HDAC11: variants seen among roughly 807,000 people sequenced by gnomAD.
HDAC11 encodes histone deacetylase 11.
Under a neutral mutation model 41.1 loss-of-function variants are expected in HDAC11, and 23 were observed. The ratio of observed to expected loss-of-function variants is 0.56; its 90% CI spans 0.40 to 0.79. The LOEUF is 0.79. Among genes scored for constraint, HDAC11 ranks in the 30% least tolerant of loss-of-function variants. The pLI is 0.00. For synonymous variants in HDAC11, 187 were observed against 186.6 expected, an observed-to-expected ratio of 1.00 and a Z score of -0.02; for missense variants, 402 against 477.3, an observed-to-expected ratio of 0.84 and a Z score of 1.47.
chr3:13,480,829 TTC>T lies in HDAC11; in HGVS notation c.3-413_3-412del, dbSNP rs535277852. Reference sequence around the variant, plus strand: ...TACTGTGCTCAGCTCCTCAGTTGCATTCTCTGAGTCCTCACAACAGCCACACA... The same window carrying T: ...TACTGTGCTCAGCTCCTCAGTTGCATTCTGAGTCCTCACAACAGCCACACA... On this transcript the variant is annotated intron_variant, in intron 1 of 9. Coordinates refer to ENST00000295757, the MANE Select transcript of HDAC11 (RefSeq NM_024827.4). This position sits in a 1 kb window ranked among gnomAD's most constrained non-coding sequence, Gnocchi z 4.6. 75 of 403,856 alleles carry T rather than the reference TTC, an allele frequency of 1.9e-4. No homozygotes were observed. Among genetic ancestry groups the T allele is most frequent in the African/African-American group, 1.5e-3 (72 of 48,152 alleles). The allele number at this position is 403,856 out of a possible 1,614,324, so 25.0% of individuals were successfully genotyped here.
chr3:13,490,568 T>A (rs1212670084), intron 3 of HDAC11, among the ~76,000 whole-genome samples: 2 of 152,146 alleles, frequency 1.3e-5, no homozygotes, highest in Non-Finnish European at 1.5e-5. Context: ...TGGTTAAATC[T>A]ATTCCCATGC....
intron 2 of HDAC11, among the ~76,000 whole-genome samples, chr3:13,483,044 C>T (rs1184028359): frequency 6.6e-6 from 1 of 150,786 alleles, no homozygotes; most frequent in Non-Finnish European, 1.5e-5. Flanking sequence ...AACCACCACA[C>T]CTGGCCAAGA....
At chr3:13,493,088 C>A (rs1422208400) in intron 3 of HDAC11, among the ~76,000 whole-genome samples, 1 of 152,206 alleles carries the variant, frequency 6.6e-6, no homozygotes, top group Non-Finnish European at 1.5e-5. Flanking sequence ...GGGAGCCTGA[C>A]CTGCTGGATC....
rs942655101 is a variant in HDAC11, at chr3:13,506,168, G to C, written c.*1485G>C. Reference sequence around the variant, plus strand: ...TGCCGTTGGTCTCTGTCGCTGACTCGAGGCACCTAACATCCATTCACACCC... The same window carrying C: ...TGCCGTTGGTCTCTGTCGCTGACTCCAGGCACCTAACATCCATTCACACCC... On this transcript the variant is annotated 3_prime_UTR_variant, in exon 10 of 10. Coordinates refer to ENST00000295757, the MANE Select transcript of HDAC11 (RefSeq NM_024827.4). 1 of 152,174 alleles carries C rather than the reference G, an allele frequency of 6.6e-6. No individual in the cohort carries two copies. Among genetic ancestry groups the C allele is most frequent in the African/African-American group, 2.4e-5 (1 of 41,414 alleles). 9.4% of individuals were successfully genotyped at this position (152,174 alleles called of 1,614,324 possible). A position where few individuals can be genotyped will look rare whatever the true frequency, so the allele number is the denominator to read the frequency against.
rs1454114825 is a variant in HDAC11 at position 13,483,486 on chromosome 3, C to T, written c.174C>T (p.Ser58=). 6.2e-7 allele frequency: 1 copy of T among 1,613,960 alleles called. No homozygotes were observed. Among genetic ancestry groups the T allele is most frequent in the Non-Finnish European group, 8.5e-7 (1 of 1,179,984 alleles). Residue 58 remains serine, a synonymous_variant, in exon 3 of 10, where the codon AGC becomes AGT. Transcript: ENST00000295757. The stretch of plus-strand genomic sequence containing the variant: ...CAGAAGAGAAGCTTCTGTCTGACAG[C>T]ATGCTGGTGGAGGCGCGGGAGGCCT... ...FLKEEKLLSD[S]MLVEAREASE... is the part of the protein sequence containing the mutation.
At position 13,502,452 on chromosome 3, in the gene HDAC11, TG is replaced by T; in HGVS notation, c.553-429del. 5.3e-6 allele frequency: 1 copy of T among 189,852 alleles called. No individual in the cohort carries two copies. The highest frequency in any genetic ancestry group is 1.1e-5 in the Non-Finnish European group (1 of 91,118). The allele number at this position is 189,852 out of a possible 1,614,324, so 11.8% of individuals were successfully genotyped here. On this transcript the variant is annotated intron_variant, in intron 7 of 9. Coordinates refer to ENST00000295757, the MANE Select transcript of HDAC11 (RefSeq NM_024827.4). This position sits in a 1 kb window ranked among gnomAD's most constrained non-coding sequence, Gnocchi z 4.1. ...CTGGTCAGACAGGGAGGGGACCCAG[TG>T]GGCTCCGGAAGGCACCCCCCTGCAC...
At chr3:13,497,548 C>T (rs73142230) in intron 4 of HDAC11, among the ~76,000 whole-genome samples, 1,557 of 152,286 alleles carry the variant, frequency 0.01, 24 homozygotes, top group African/African-American at 0.035. Context: ...GCCTCCACGT[C>T]TCCCCCACTG....
chr3:13,504,534 G>T lies in HDAC11; in HGVS notation c.895G>T (p.Val299Leu). The change falls in exon 10 of 10, where the codon GTG becomes TTG. Residue 299 changes from valine (V) to leucine (L), a missense_variant. Val to Leu is a conservative substitution (Grantham distance 32). Coordinates refer to ENST00000295757, the MANE Select transcript of HDAC11 (RefSeq NM_024827.4). ...VRGRRVPILM[V>L]TSGGYQKRTA... ...TGGCCGCCGGGTGCCCATCCTTATGGTGACCTCAGGCGGGTACCAGAAGCG... is the reference window on the plus strand; with the variant it reads ...TGGCCGCCGGGTGCCCATCCTTATGTTGACCTCAGGCGGGTACCAGAAGCG... The T allele has an allele frequency of 6.2e-7, 1 of 1,613,574 alleles. No homozygotes were observed. The highest frequency in any genetic ancestry group is 1.1e-5 in the South Asian group (1 of 91,080).
Position 13,502,699 on chromosome 3 carries a change from T to A in HDAC11, c.553-185T>A. On this transcript the variant is annotated intron_variant, in intron 7 of 9. Coordinates refer to ENST00000295757, the MANE Select transcript of HDAC11 (RefSeq NM_024827.4). The surrounding 1 kb of genome is among the most constrained non-coding windows in gnomAD (Gnocchi z 4.1). ...GCTTGCTCAAGCCCATGCTAGAAGG[T>A]GTCGGGGCCTGGTTTTAAGGTTGAA... 1.7e-6 allele frequency: 1 copy of A among 578,882 alleles called. No homozygotes were observed. The highest frequency in any genetic ancestry group is 3.1e-6 in the Non-Finnish European group (1 of 320,562). 35.9% of individuals were successfully genotyped at this position (578,882 alleles called of 1,614,324 possible). A position where few individuals can be genotyped will look rare whatever the true frequency, so the allele number is the denominator to read the frequency against.
Position 13,483,522 on chromosome 3 carries a change from C to A in HDAC11, c.210C>A (p.Asp70Glu), listed in dbSNP as rs1340839435. 1 of 1,614,082 alleles carries A rather than the reference C, an allele frequency of 6.2e-7. No individual in the cohort carries two copies. The highest frequency in any genetic ancestry group is 8.5e-7 in the Non-Finnish European group (1 of 1,180,012). ...AGGCGCGGGAGGCCTCGGAGGAGGA[C>A]CTGCTGGTGGTGCACACGAGGCGCT... ...LVEAREASEE[D>E]LLVVHTRRYL... The change falls in exon 3 of 10, where the codon GAC (aspartate) becomes GAA (glutamate). Residue 70 changes from aspartate (D) to glutamate (E), a missense_variant. By Grantham distance (45) the Asp-to-Glu change is conservative (BLOSUM62 2). Coordinates refer to ENST00000295757, the MANE Select transcript of HDAC11 (RefSeq NM_024827.4).
intron 6 of HDAC11, among the ~76,000 whole-genome samples, chr3:13,501,204 T>A (rs1702349487): frequency 6.6e-6 from 1 of 152,194 alleles, no homozygotes; most frequent in Non-Finnish European, 1.5e-5. Context: ...CCCTGAATCC[T>A]CGCAGACAGA....
rs758668290 is a variant in HDAC11, at chr3:13,500,782, C to T, written c.482C>T (p.Ala161Val). The T allele has an allele frequency of 1.9e-6, 3 of 1,569,270 alleles. No individual in the cohort carries two copies. Among genetic ancestry groups the T allele is most frequent in the Non-Finnish European group, 2.6e-6 (3 of 1,154,698 alleles). Reference protein sequence around the residue: ...GFCAYADITLAIKFLFERVEG... With the variant: ...GFCAYADITLVIKFLFERVEG... ...TGTGCCTATGCGGACATCACGCTCG[C>T]CATCAAGGTGTGTCTATGAGCAAGT... The change falls in exon 6 of 10, where the codon GCC becomes GTC. Residue 161 changes from alanine to valine, a missense_variant. Coordinates refer to ENST00000295757, the MANE Select transcript of HDAC11 (RefSeq NM_024827.4).
rs1702414927 is a variant in HDAC11, at chr3:13,502,449, C to G, written c.553-435C>G. ...CCTCTGGTCAGACAGGGAGGGGACC[C>G]AGTGGGCTCCGGAAGGCACCCCCCT... On this transcript the variant is annotated intron_variant, in intron 7 of 9. Transcript: ENST00000295757. The surrounding 1 kb of genome is among the most constrained non-coding windows in gnomAD (Gnocchi z 4.1). 1 of 189,472 alleles carries G rather than the reference C, an allele frequency of 5.3e-6. No homozygotes were observed. Among genetic ancestry groups the G allele is most frequent in the Non-Finnish European group, 1.1e-5 (1 of 91,114 alleles). The allele number at this position is 189,472 out of a possible 1,614,324, so 11.7% of individuals were successfully genotyped here. A position where few individuals can be genotyped will look rare whatever the true frequency, so the allele number is the denominator to read the frequency against.
chr3:13,487,379 T>C (rs1701646479), intron 3 of HDAC11, among the ~76,000 whole-genome samples: 1 of 152,192 alleles, frequency 6.6e-6, no homozygotes, highest in Non-Finnish European at 1.5e-5. Flanking sequence ...CCTCATCCCA[T>C]TCTACCCCCA....
chr3:13,500,119 G>A (rs1252619898), intron 5 of HDAC11, among the ~76,000 whole-genome samples: 1 of 152,114 alleles, frequency 6.6e-6, no homozygotes, highest in African/African-American at 2.4e-5. Flanking sequence ...TATCCATGGG[G>A]CCAGCTGCAC....
chr3:13,497,185 C>CTT (rs796174587), intron 4 of HDAC11, among the ~76,000 whole-genome samples: 1 of 145,816 alleles, frequency 6.9e-6, no homozygotes, highest in Non-Finnish European at 1.5e-5. Context: ...TTCTTTCTTT[C>CTT]TTTTTTTTTT....
chr3:13,496,863 T>TGGGGGGGGGG lies in HDAC11; in HGVS notation c.369+18_369+19insGGGGGGGGGG. The TGGGGGGGGGG allele has an allele frequency of 9.3e-7, 1 of 1,080,054 alleles. No homozygotes were observed. Among genetic ancestry groups the TGGGGGGGGGG allele is most frequent in the Non-Finnish European group, 1.4e-6 (1 of 736,198 alleles). 66.9% of individuals were successfully genotyped at this position (1,080,054 alleles called of 1,614,324 possible). ...GGAGGAACCATAATGGTAGGTGGGG[T>TGGGGGGGGGG]GGGGGGGCATGGCTGGGCTGGGGGC... On this transcript the variant is annotated intron_variant, in intron 4 of 9. Transcript: ENST00000295757.
chr3:13,497,500 A>G (rs1702154191), intron 4 of HDAC11, among the ~76,000 whole-genome samples: 1 of 152,096 alleles, frequency 6.6e-6, no homozygotes, highest in South Asian at 2.1e-4. Context: ...CAAAATTAAG[A>G]TGGAGAACTG....
rs1702566203 is a variant in HDAC11 at position 13,505,239 on chromosome 3, G to A, written c.*556G>A. 1.8e-5 allele frequency: 3 copies of A among 162,708 alleles called. No individual in the cohort carries two copies. Among genetic ancestry groups the A allele is most frequent in the Admixed American group, 1.7e-4 (3 of 17,708 alleles). The allele number at this position is 162,708 out of a possible 1,614,324, so 10.1% of individuals were successfully genotyped here. A position where few individuals can be genotyped will look rare whatever the true frequency, so the allele number is the denominator to read the frequency against. ...GGCCTGGTTCCCAGGCAGCAGGTGG[G>A]AACCCTGGGCCTGGATGTGAGGGGC... is the stretch of plus-strand genomic sequence containing the variant. On this transcript the variant is annotated 3_prime_UTR_variant, in exon 10 of 10. Coordinates refer to ENST00000295757, the MANE Select transcript of HDAC11 (RefSeq NM_024827.4).
Sources: allele counts gnomAD v4.1 joint callset (sites outside exome capture counted in the v4.1 genomes callset), GRCh38; gene constraint gnomAD v4.1.1; non-coding constraint Gnocchi (gnomAD v3.1); transcripts MANE v1.5; gene names NCBI Gene and HGNC (gene_info 2026-07-23, HGNC 2026-07-21).